Variants in NUSAP1 observed in about 807,000 individuals in gnomAD.
NUSAP1 encodes the protein nucleolar and spindle associated protein 1.
NUSAP1 carries 32 observed loss-of-function variants against 52.8 expected under a neutral mutation model. The ratio of observed to expected loss-of-function variants is 0.61; its 90% CI spans 0.46 to 0.81. NUSAP1 has a LOEUF of 0.81. Ranked by LOEUF, NUSAP1 falls within the 40% of genes least tolerant of loss-of-function variation. NUSAP1 has a pLI of 0.00. For missense variants in NUSAP1, 499 were observed against 522.3 expected, an observed-to-expected ratio of 0.96 and a Z score of 0.43; for synonymous variants, 195 against 183.1, an observed-to-expected ratio of 1.06 and a Z score of -0.52.
chr15:41,371,917 C>A (rs759699723), intron 8 of NUSAP1, among the ~76,000 whole-genome samples: 1 of 152,096 alleles, frequency 6.6e-6, no homozygotes, highest in Non-Finnish European at 1.5e-5. Context: ...ACTACAGACA[C>A]ATGCCACCAT....
chr15:41,355,801 C>T (rs1226377595), intron 4 of NUSAP1, among the ~76,000 whole-genome samples: 1 of 151,760 alleles, frequency 6.6e-6, no homozygotes, highest in Non-Finnish European at 1.5e-5. Context: ...CTCAACCTCC[C>T]GAGTAGCTGG....
At chr15:41,362,956 G>C (rs1233270213) in intron 6 of NUSAP1, among the ~76,000 whole-genome samples, 4 of 152,016 alleles carry the variant, frequency 2.6e-5, no homozygotes, top group Non-Finnish European at 5.9e-5. Flanking sequence ...CTCAGTGACA[G>C]TGAGACCCTG....
At chr15:41,336,648 G>GTTTTTTTTTTTTTTTTTTTTTTTTT (rs75426159) in intron 1 of NUSAP1, among the ~76,000 whole-genome samples, 3 of 91,372 alleles carry the variant, frequency 3.3e-5, no homozygotes, top group African/African-American at 1.2e-4. Context: ...CCTCCTTTTG[G>GTTTTTTTTTTTTTTTTTTTTTTTTT]TTTTTTTTTT....
chr15:41,371,095 A>C (rs2049665674), intron 7 of NUSAP1, among the ~76,000 whole-genome samples: 1 of 152,196 alleles, frequency 6.6e-6, no homozygotes, highest in African/African-American at 2.4e-5. Flanking sequence ...TCTACCACAC[A>C]AATGAATGAC....
chr15:41,335,424 GATAAATATACT>G (rs886080772), intron 1 of NUSAP1, among the ~76,000 whole-genome samples: 4 of 138,042 alleles, frequency 2.9e-5, no homozygotes, highest in South Asian at 2.3e-4. Context: ...ATATGTACTA[GATAAATATACT>G]ATAAATATAC....
chr15:41,379,885 A>T (rs2050140702), intron 10 of NUSAP1, among the ~76,000 whole-genome samples: 1 of 152,166 alleles, frequency 6.6e-6, no homozygotes, highest in Non-Finnish European at 1.5e-5. Context: ...TAACAAAAGG[A>T]AAATACCAGT....
intron 8 of NUSAP1, among the ~76,000 whole-genome samples, chr15:41,374,377 C>A (rs2049832504): frequency 6.6e-6 from 1 of 152,068 alleles, no homozygotes. Context: ...AGAAAGAGAG[C>A]TAGAGAAAAT....
Position 41,377,197 on chromosome 15 carries a change from A to T in NUSAP1, c.1125A>T (p.Gly375=). The change falls in exon 10 of 11, where the codon GGA becomes GGT. Residue 375 remains glycine, a splice_region_variant and synonymous_variant. Transcript: ENST00000559596. ...SRPLNYEPHK[G]KLKPWGQSKE... The stretch of plus-strand genomic sequence containing the variant: ...TTCTTTGTCTCTGTCCTAAACTAGG[A>T]AAGCTAAAACCATGGGGGCAATCTA... 6.9e-7 allele frequency: 1 copy of T among 1,459,242 alleles called. No homozygotes were observed. Among genetic ancestry groups the T allele is most frequent in the Non-Finnish European group, 9.3e-7 (1 of 1,077,502 alleles). 90.4% of individuals were successfully genotyped at this position (1,459,242 alleles called of 1,614,324 possible).
intron 1 of NUSAP1, among the ~76,000 whole-genome samples, chr15:41,341,808 ACTG>A (rs2048376264): frequency 6.6e-6 from 1 of 152,232 alleles, no homozygotes; most frequent in African/African-American, 2.4e-5. Flanking sequence ...CTCTTCAGAG[ACTG>A]CCCTTTTCTC....
chr15:41,355,388 G>A (rs1352820633), intron 4 of NUSAP1, among the ~76,000 whole-genome samples: 1 of 147,734 alleles, frequency 6.8e-6, no homozygotes, highest in Admixed American at 6.8e-5. Flanking sequence ...GGCCAGGATG[G>A]TCTCCATCTC....
At position 41,365,458 on chromosome 15, in the gene NUSAP1, C is replaced by T. The variant is rs1276021045; in HGVS notation, c.717C>T (p.Leu239=). The T allele has an allele frequency of 6.2e-7, 1 of 1,613,120 alleles. No homozygotes were observed. The highest frequency in any genetic ancestry group is 1.3e-5 in the African/African-American group (1 of 75,012). ...VRTPVPPRGR[L]SVASTPISQR... ...CTCCAGTACCTCCAAGAGGAAGACT[C>T]TCTGTGGCTTCTACTCCCATCAGCC... The change falls in exon 7 of 11, where the codon CTC becomes CTT. Residue 239 remains leucine, a synonymous_variant. Transcript: ENST00000559596.
At chr15:41,348,422 G>A (rs2048661375) in intron 2 of NUSAP1, among the ~76,000 whole-genome samples, 1 of 152,066 alleles carries the variant, frequency 6.6e-6, no homozygotes, top group Non-Finnish European at 1.5e-5. Context: ...GTTTTGCCAT[G>A]TTGCCCAGGC....
At chr15:41,369,789 C>A (rs2049588229) in intron 7 of NUSAP1, among the ~76,000 whole-genome samples, 1 of 152,032 alleles carries the variant, frequency 6.6e-6, no homozygotes, top group Non-Finnish European at 1.5e-5. Context: ...CAAATTAGAC[C>A]AGGCATGGTG....
At chr15:41,374,878 G>A (rs1234410116) in intron 8 of NUSAP1, among the ~76,000 whole-genome samples, 1 of 150,096 alleles carries the variant, frequency 6.7e-6, no homozygotes, top group Non-Finnish European at 1.5e-5. Context: ...GTCCCACCCT[G>A]TTGCCCAGGC....
At chr15:41,370,652 A>T (rs2140822048) in intron 7 of NUSAP1, among the ~76,000 whole-genome samples, 1 of 150,394 alleles carries the variant, frequency 6.6e-6, no homozygotes, top group Non-Finnish European at 1.5e-5. Flanking sequence ...GGGGAGGCTG[A>T]GGCAGTAGAA....
intron 5 of NUSAP1, among the ~76,000 whole-genome samples, chr15:41,357,623 T>C (rs773145377): frequency 6.6e-6 from 1 of 151,892 alleles, no homozygotes; most frequent in Non-Finnish European, 1.5e-5. Context: ...TTTGTATTTT[T>C]AGTAGAGATG....
rs1200177006 is a variant in NUSAP1, at chr15:41,332,923, C to G, written c.-35C>G. The G allele has an allele frequency of 6.6e-7, 1 of 1,522,960 alleles. No individual in the cohort carries two copies. Among genetic ancestry groups the G allele is most frequent in the South Asian group, 1.2e-5 (1 of 86,080 alleles). 94.3% of individuals were successfully genotyped at this position (1,522,960 alleles called of 1,614,324 possible). A position where few individuals can be genotyped will look rare whatever the true frequency, so the allele number is the denominator to read the frequency against. On this transcript the variant is annotated 5_prime_UTR_variant, in exon 1 of 11. In the 5' UTR this introduces an upstream ATG that the reference lacks. Coordinates refer to ENST00000559596, the MANE Select transcript of NUSAP1 (RefSeq NM_016359.5). ...AACCGCGCTGACGAAGTTTGGTGAT[C>G]CATCTTCCGAGTATCGCCGGGATTT... is the stretch of plus-strand genomic sequence containing the variant.
intron 7 of NUSAP1, among the ~76,000 whole-genome samples, chr15:41,369,824 T>G (rs1441855703): frequency 2.0e-5 from 3 of 151,848 alleles, no homozygotes; most frequent in Non-Finnish European, 4.4e-5. Flanking sequence ...TCCTAGCACT[T>G]TGGGAGGCCG....
chr15:41,354,294 G>T (rs929178329), intron 4 of NUSAP1, among the ~76,000 whole-genome samples: 5 of 152,034 alleles, frequency 3.3e-5, no homozygotes, highest in Non-Finnish European at 5.9e-5. Flanking sequence ...ATCACCTGAG[G>T]TCAGGATCGA....
Sources: allele counts gnomAD v4.1 joint callset (sites outside exome capture counted in the v4.1 genomes callset), GRCh38; gene constraint gnomAD v4.1.1; transcripts MANE v1.5; gene names NCBI Gene and HGNC (gene_info 2026-07-23, HGNC 2026-07-21).